The following TNNI3K variants were observed in gnomAD, a reference collection of about 807,000 sequenced individuals.
TNNI3K encodes the protein TNNI3 interacting kinase, also known as serine/threonine-protein kinase TNNI3K.
TNNI3K carries 140 observed loss-of-function variants against 114.5 expected under a neutral mutation model. That is an observed-to-expected ratio of 1.22 (90% CI 1.07 to 1.41). The LOEUF is 1.41. Ranked by LOEUF, TNNI3K falls within the 40% of genes most tolerant of loss-of-function variation. The pLI, the probability that TNNI3K is intolerant of heterozygous loss-of-function variation, is 0.00. For synonymous variants in TNNI3K, 347 were observed against 347.5 expected, an observed-to-expected ratio of 1.00 and a Z score of 0.02; for missense variants, 1,125 against 1,007.6, an observed-to-expected ratio of 1.12 and a Z score of -1.58.
intron 4 of TNNI3K, among the ~76,000 whole-genome samples, chr1:74,268,198 A>AT (rs5775228): frequency 0.96 from 146,628 of 151,962 alleles, 70,752 homozygotes; most frequent in East Asian, 1. Flanking sequence ...CATATTTTCT[A>AT]TTTAAAATAT....
intron 4 of TNNI3K, among the ~76,000 whole-genome samples, chr1:74,267,064 AT>A (rs1656039385): frequency 6.6e-6 from 1 of 151,942 alleles, no homozygotes; most frequent in Non-Finnish European, 1.5e-5. Context: ...AATGCTTTAA[AT>A]TTGGCTAGAG....
rs1390730275 is a variant in TNNI3K, at chr1:74,367,177, A to G, written c.1178-79A>G. ...TGTCCTATGTTGTAAGCTACTTCCA[A>G]TAATTTTTGGATTTGAGAGTAGACT... On this transcript the variant is annotated intron_variant, in intron 11 of 24. Coordinates refer to ENST00000326637, the MANE Select transcript of TNNI3K (RefSeq NM_015978.3). 6 of 1,428,988 alleles carry G rather than the reference A, an allele frequency of 4.2e-6. No homozygotes were observed. In the African/African-American group the frequency reaches 7.1e-5, roughly 17 times the overall value. 88.5% of individuals were successfully genotyped at this position (1,428,988 alleles called of 1,614,324 possible).
rs971668767 is a variant in TNNI3K, at chr1:74,464,877, A to G, written c.2121+1327A>G. ...TTCACTGCTATAACACTAACATCTA[A>G]AGCTGGATGCTTAAGAATGTTTGTT... On this transcript the variant is annotated intron_variant, in intron 21 of 24. Transcript: ENST00000326637. The G allele has an allele frequency of 3.8e-6, 5 of 1,324,792 alleles. No individual in the cohort carries two copies. In the African/African-American group the frequency reaches 7.4e-5, roughly 20 times the overall value. 82.1% of individuals were successfully genotyped at this position (1,324,792 alleles called of 1,614,324 possible).
intron 5 of TNNI3K, among the ~76,000 whole-genome samples, chr1:74,275,388 G>A (rs1449304085): frequency 6.6e-6 from 1 of 152,056 alleles, no homozygotes; most frequent in Non-Finnish European, 1.5e-5. Context: ...AGAACAGTAT[G>A]GGGGAAACCA....
chr1:74,314,827 C>T (rs1365964164), intron 5 of TNNI3K, among the ~76,000 whole-genome samples: 6 of 152,124 alleles, frequency 3.9e-5, no homozygotes, highest in Non-Finnish European at 8.8e-5. Flanking sequence ...AGAGACACCA[C>T]AGGCTCTTAA....
intron 23 of TNNI3K, among the ~76,000 whole-genome samples, chr1:74,524,352 T>A (rs891786473): frequency 5.3e-5 from 8 of 152,186 alleles, no homozygotes; most frequent in African/African-American, 1.9e-4. Flanking sequence ...GCCCATTAGA[T>A]AGCAAAGTGC....
At chr1:74,439,667 C>T in intron 20 of TNNI3K, 45 bp downstream of exon 20, 1 of 1,596,744 alleles carries the variant, frequency 6.3e-7, no homozygotes, top group Non-Finnish European at 8.5e-7. Flanking sequence ...ACAGAGTTCA[C>T]TGGATTTTTA....
At chr1:74,413,990 T>G (rs939436371) in intron 17 of TNNI3K, among the ~76,000 whole-genome samples, 4 of 152,178 alleles carry the variant, frequency 2.6e-5, no homozygotes, top group African/African-American at 4.8e-5. Flanking sequence ...CTATTTGCTG[T>G]ATGATAGCAG....
At chr1:74,405,960 C>G (rs990970061) in intron 17 of TNNI3K, among the ~76,000 whole-genome samples, 3 of 152,188 alleles carry the variant, frequency 2.0e-5, no homozygotes, top group Non-Finnish European at 4.4e-5. Flanking sequence ...AAATTTAGTG[C>G]ATTAAAGCAA....
chr1:74,271,540 A>T, intron 4 of TNNI3K, 58 bp from the exon 5 acceptor site: 1 of 1,485,176 alleles, frequency 6.7e-7, no homozygotes, highest in Non-Finnish European at 9.1e-7. Flanking sequence ...ATCCTGTTGC[A>T]CAGCTTTTGA....
chr1:74,426,819 G>A (rs984650554), intron 17 of TNNI3K, among the ~76,000 whole-genome samples: 6 of 152,084 alleles, frequency 3.9e-5, no homozygotes, highest in African/African-American at 1.4e-4. Flanking sequence ...TGACACTTCT[G>A]TGCAAATAGA....
chr1:74,355,598 G>A (rs908272755), intron 11 of TNNI3K, among the ~76,000 whole-genome samples: 13 of 149,920 alleles, frequency 8.7e-5, no homozygotes, highest in South Asian at 8.3e-4. Flanking sequence ...GCGATACTCC[G>A]TCTCAAAAAT....
rs185815917 is a variant in TNNI3K, at chr1:74,306,721, G to A, written c.445-24729G>A. 3.9e-3 allele frequency among the ~76,000 whole-genome samples: 600 copies of A among 152,136 alleles called. 3 individuals carry two copies. Among genetic ancestry groups the A allele is most frequent in the Non-Finnish European group, 6.7e-3 (456 of 67,974 alleles). On this transcript the variant is annotated intron_variant, in intron 5 of 24. Transcript: ENST00000326637. The stretch of plus-strand genomic sequence containing the variant: ...TGTGCTTTGCCTACTTTTTAATGGG[G>A]TTATTTTCTTGTTGGTGGTGATTTA...
rs775822067 is a variant in TNNI3K, at chr1:74,301,817, TCC to T, written c.445-29632_445-29631del. 1.7e-3 allele frequency among the ~76,000 whole-genome samples: 256 copies of T among 152,304 alleles called. 1 individual carries two copies. Among genetic ancestry groups the T allele is most frequent in the Non-Finnish European group, 3.2e-3 (216 of 68,030 alleles). On this transcript the variant is annotated intron_variant, in intron 5 of 24. Coordinates refer to ENST00000326637, the MANE Select transcript of TNNI3K (RefSeq NM_015978.3). ...CATACTTGCTTTTCCATGCTATTTC[TCC>T]TGTGGTTGACTAGAATAAAACTATC... is the stretch of plus-strand genomic sequence containing the variant.
At chr1:74,352,037 A>C (rs1389416274) in intron 9 of TNNI3K, among the ~76,000 whole-genome samples, 5 of 151,962 alleles carry the variant, frequency 3.3e-5, no homozygotes, top group Admixed American at 6.5e-5. Flanking sequence ...GGAGGAGGAG[A>C]GGTGCTCTGC....
intron 17 of TNNI3K, among the ~76,000 whole-genome samples, chr1:74,379,692 A>G (rs1400484803): frequency 5.3e-5 from 8 of 152,120 alleles, no homozygotes; most frequent in Admixed American, 3.9e-4. Flanking sequence ...CTCTGAGGGT[A>G]GATTCATCCC....
Position 74,513,383 on chromosome 1 carries a change from A to C in TNNI3K, c.2351+21117A>C, listed in dbSNP as rs79790735. On this transcript the variant is annotated intron_variant, in intron 23 of 24. Coordinates refer to ENST00000326637, the MANE Select transcript of TNNI3K (RefSeq NM_015978.3). ...GGGATGCAGGGGCACTGGTAGTAGGAGTTGAGAACCTGATGATGACTGTCT... is the reference window on the plus strand; with the variant it reads ...GGGATGCAGGGGCACTGGTAGTAGGCGTTGAGAACCTGATGATGACTGTCT... 3.9e-3 allele frequency among the ~76,000 whole-genome samples: 590 copies of C among 152,312 alleles called. 5 individuals carry two copies. Among genetic ancestry groups the C allele is most frequent in the African/African-American group, 0.014 (563 of 41,576 alleles).
intron 2 of TNNI3K, among the ~76,000 whole-genome samples, chr1:74,243,264 TATATTTCTGG>T (rs1654358394): frequency 6.6e-6 from 1 of 152,174 alleles, no homozygotes; most frequent in African/African-American, 2.4e-5. Context: ...ATCAAACAAA[TATATTTCTGG>T]ATATTTCTTG....
At chr1:74,416,689 A>G (rs1200423189) in intron 17 of TNNI3K, 3 of 493,198 alleles carry the variant, frequency 6.1e-6, no homozygotes, top group Admixed American at 1.3e-4. Context: ...CTTACATTAA[A>G]TATCTTCTTT....
Sources: allele counts gnomAD v4.1 joint callset (sites outside exome capture counted in the v4.1 genomes callset), GRCh38; gene constraint gnomAD v4.1.1; transcripts MANE v1.5; gene names NCBI Gene and HGNC (gene_info 2026-07-23, HGNC 2026-07-21).